Variants in CCSER1 observed in about 807,000 individuals in gnomAD.
CCSER1 encodes the protein coiled-coil serine rich protein 1, also known as serine-rich coiled-coil domain-containing protein 1.
CCSER1 carries 41 observed loss-of-function variants against 82.0 expected under a neutral mutation model. The ratio of observed to expected loss-of-function variants is 0.50; its 90% CI spans 0.39 to 0.65. The LOEUF is 0.65. Among genes scored for constraint, CCSER1 ranks in the 30% least tolerant of loss-of-function variants. The probability of loss-of-function intolerance (pLI) is 0.00; values close to 1 mark genes in which losing one functional copy is unlikely to be tolerated. For synonymous variants in CCSER1, 414 were observed against 383.9 expected (o/e 1.08, Z -0.92); for missense variants, 1,119 against 1,064.2 (o/e 1.05, Z -0.72).
intron 5 of CCSER1, among the ~76,000 whole-genome samples, chr4:90,477,530 C>T (rs904047073): frequency 6.6e-6 from 1 of 152,152 alleles, no homozygotes; most frequent in Admixed American, 6.5e-5. Flanking sequence ...GGGATTGGAT[C>T]TCTAAGAATA....
chr4:91,232,295 C>G (rs978865778), intron 10 of CCSER1, among the ~76,000 whole-genome samples: 3 of 151,838 alleles, frequency 2.0e-5, no homozygotes, highest in Non-Finnish European at 4.4e-5. Context: ...TTGTGTTTAT[C>G]TACAATAGCG....
At chr4:90,242,602 T>C (rs1047859696) in intron 1 of CCSER1, among the ~76,000 whole-genome samples, 2 of 152,192 alleles carry the variant, frequency 1.3e-5, no homozygotes, top group African/African-American at 4.8e-5. Context: ...AGTTAGCAGA[T>C]AACCACAAAA....
In CCSER1 at chr4:91,587,308, G is replaced by T. The variant is rs1304692738; in HGVS notation, c.2218-11264G>T. Among the ~76,000 whole-genome samples, 3 of 151,656 alleles carry T rather than the reference G, an allele frequency of 2.0e-5. No individual in the cohort carries two copies. In the Admixed American group the frequency reaches 2.0e-4, roughly 10 times the overall value. On this transcript the variant is annotated intron_variant, in intron 10 of 10. Coordinates refer to ENST00000509176, the MANE Select transcript of CCSER1 (RefSeq NM_001145065.2). ...CATAGTCTCTGTTGAAAATACAGAAGACATCACCTGTGTAGACAGGGAAGA... is the reference window on the plus strand; with the variant it reads ...CATAGTCTCTGTTGAAAATACAGAATACATCACCTGTGTAGACAGGGAAGA...
At chr4:90,616,695 A>T (rs990975260) in intron 5 of CCSER1, among the ~76,000 whole-genome samples, 5 of 96,658 alleles carry the variant, frequency 5.2e-5, no homozygotes, top group East Asian at 3.3e-4. Flanking sequence ...ACACACACAC[A>T]CACACACACA....
chr4:91,287,790 G>T (rs998505700), intron 10 of CCSER1, among the ~76,000 whole-genome samples: 7 of 151,898 alleles, frequency 4.6e-5, no homozygotes, highest in Non-Finnish European at 1.0e-4. Flanking sequence ...ACCACAGGAA[G>T]AGGCTAAGCT....
chr4:91,428,890 A>G (rs1443847900), intron 10 of CCSER1, among the ~76,000 whole-genome samples: 1 of 152,034 alleles, frequency 6.6e-6, no homozygotes. Context: ...AAATGCAAAC[A>G]ATGCTGCAAT....
At chr4:91,398,842 T>C (rs1752151124) in intron 10 of CCSER1, among the ~76,000 whole-genome samples, 2 of 151,850 alleles carry the variant, frequency 1.3e-5, no homozygotes, top group Non-Finnish European at 2.9e-5. Context: ...GAAGAGCTTA[T>C]ATACATTTTG....
chr4:90,512,278 CT>C (rs1433031814), intron 5 of CCSER1, among the ~76,000 whole-genome samples: 1 of 148,874 alleles, frequency 6.7e-6, no homozygotes, highest in Non-Finnish European at 1.5e-5. Context: ...TGCCTTGTCT[CT>C]GGTTGGTAAA....
At chr4:90,368,425 C>T (rs907399098) in intron 3 of CCSER1, among the ~76,000 whole-genome samples, 1 of 151,720 alleles carries the variant, frequency 6.6e-6, no homozygotes, top group African/African-American at 2.4e-5. Flanking sequence ...CACTTGAGGC[C>T]AGGGATTCAA....
At chr4:90,753,689 TA>T (rs991457198) in intron 7 of CCSER1, among the ~76,000 whole-genome samples, 16 of 152,060 alleles carry the variant, frequency 1.1e-4, no homozygotes, top group African/African-American at 3.9e-4. Context: ...AGTGATCTTT[TA>T]AAAAAATAAA....
At chr4:91,434,971 G>T (rs1295076527) in intron 10 of CCSER1, among the ~76,000 whole-genome samples, 1 of 152,160 alleles carries the variant, frequency 6.6e-6, no homozygotes, top group Non-Finnish European at 1.5e-5. Context: ...CATGGCCGTA[G>T]AGTTCTGTTG....
chr4:90,279,201 G>A (rs977762617), intron 1 of CCSER1, among the ~76,000 whole-genome samples: 48 of 151,872 alleles, frequency 3.2e-4, no homozygotes, highest in African/African-American at 1.1e-3. Flanking sequence ...AGTAATTTCT[G>A]GAATGTATAA....
chr4:90,445,300 A>T (rs1345611129), intron 4 of CCSER1, among the ~76,000 whole-genome samples: 1 of 152,120 alleles, frequency 6.6e-6, no homozygotes, highest in Non-Finnish European at 1.5e-5. Context: ...TTAACCAGTC[A>T]TATTAAATAT....
intron 10 of CCSER1, among the ~76,000 whole-genome samples, chr4:91,424,126 C>T (rs1753836382): frequency 6.7e-6 from 1 of 148,580 alleles, no homozygotes; most frequent in South Asian, 2.1e-4. Context: ...ACGCCATTCT[C>T]CTGCCTCAGC....
intron 8 of CCSER1, among the ~76,000 whole-genome samples, chr4:90,877,773 G>T (rs1720566734): frequency 1.3e-5 from 2 of 151,204 alleles, no homozygotes; most frequent in Non-Finnish European, 2.9e-5. Flanking sequence ...TGGAGATCTT[G>T]CATGATACCA....
chr4:90,852,869 A>G (rs1348512857), intron 8 of CCSER1, among the ~76,000 whole-genome samples: 2 of 152,190 alleles, frequency 1.3e-5, no homozygotes, highest in African/African-American at 4.8e-5. Flanking sequence ...ATATCTTACT[A>G]TAGAGCGATT....
intron 1 of CCSER1, among the ~76,000 whole-genome samples, chr4:90,200,050 G>A (rs1303670284): frequency 7.8e-6 from 1 of 128,682 alleles, no homozygotes; most frequent in East Asian, 3.2e-4. Context: ...TCCCTGACAT[G>A]CGTGCACGCA....
intron 1 of CCSER1, among the ~76,000 whole-genome samples, chr4:90,290,477 G>C (rs1730709796): frequency 6.6e-6 from 1 of 151,766 alleles, no homozygotes; most frequent in African/African-American, 2.4e-5. Flanking sequence ...TCTCCACTCT[G>C]TCTAAGCTAG....
chr4:91,544,724 G>C (rs984450218), intron 10 of CCSER1, among the ~76,000 whole-genome samples: 1 of 152,086 alleles, frequency 6.6e-6, no homozygotes, highest in South Asian at 2.1e-4. Flanking sequence ...TGCCCCTACT[G>C]GGGGGTGCCT....
Sources: allele counts gnomAD v4.1 joint callset (sites outside exome capture counted in the v4.1 genomes callset), GRCh38; gene constraint gnomAD v4.1.1; transcripts MANE v1.5; gene names NCBI Gene and HGNC (gene_info 2026-07-23, HGNC 2026-07-21).